The following PLXNA4 variants were observed in gnomAD, a reference collection of about 807,000 sequenced individuals.
PLXNA4 encodes the protein plexin A4, also known as plexin-A4.
Under a neutral mutation model 191.8 loss-of-function variants are expected in PLXNA4, and 44 were observed. That is an observed-to-expected ratio of 0.23 (90% CI 0.18 to 0.29). PLXNA4 has a LOEUF of 0.29. PLXNA4 is among the 10% of genes least tolerant of loss of function. The probability of loss-of-function intolerance (pLI) is 1.00; values close to 1 mark genes in which losing one functional copy is unlikely to be tolerated. For missense variants in PLXNA4, 1,800 were observed against 2,488.8 expected, an observed-to-expected ratio of 0.72 and a Z score of 5.89; for synonymous variants, 1,082 against 1,009.5, an observed-to-expected ratio of 1.07 and a Z score of -1.36.
chr7:132,567,039 C>G (rs889353993), intron 1 of PLXNA4, among the ~76,000 whole-genome samples: 2 of 152,148 alleles, frequency 1.3e-5, no homozygotes, highest in Admixed American at 6.5e-5. Context: ...AACCGTCTTT[C>G]CAGGAGACAT....
At chr7:132,390,402 C>T (rs1585070664) in intron 3 of PLXNA4, among the ~76,000 whole-genome samples, 1 of 151,976 alleles carries the variant, frequency 6.6e-6, no homozygotes, top group Non-Finnish European at 1.5e-5. Flanking sequence ...TAACATCACA[C>T]ACTGGGGCCT....
chr7:132,397,121 C>T (rs1793799822), intron 3 of PLXNA4, among the ~76,000 whole-genome samples: 1 of 152,248 alleles, frequency 6.6e-6, no homozygotes, highest in South Asian at 2.1e-4. Context: ...GCATCTCAGC[C>T]TTCCCCAAAA....
intron 3 of PLXNA4, among the ~76,000 whole-genome samples, chr7:132,488,930 C>T (rs1797668891): frequency 6.6e-6 from 1 of 152,230 alleles, no homozygotes; most frequent in Admixed American, 6.5e-5. Context: ...AGGCATGTCC[C>T]TTCCCCCTGC....
chr7:132,407,628 C>T (rs1011241681), intron 3 of PLXNA4, among the ~76,000 whole-genome samples: 5 of 152,298 alleles, frequency 3.3e-5, no homozygotes, highest in African/African-American at 1.2e-4. Context: ...CCTGGGACTA[C>T]GTCAATACAT....
intron 3 of PLXNA4, among the ~76,000 whole-genome samples, chr7:132,467,600 T>G (rs1796758334): frequency 6.6e-6 from 1 of 152,114 alleles, no homozygotes; most frequent in Non-Finnish European, 1.5e-5. Flanking sequence ...TGGTCTTCAG[T>G]TCAAAGGTGG....
At chr7:132,283,028 C>A (rs902048864) in intron 4 of PLXNA4, among the ~76,000 whole-genome samples, 4 of 152,004 alleles carry the variant, frequency 2.6e-5, no homozygotes, top group African/African-American at 9.7e-5. Flanking sequence ...TACAGGCGCT[C>A]ACCACCATAC....
At chr7:132,630,146 G>A (rs772663463) in intron 2 of PLXNA4, among the ~76,000 whole-genome samples, 15 of 152,060 alleles carry the variant, frequency 9.9e-5, no homozygotes, top group East Asian at 5.8e-4. Flanking sequence ...CACCTCACCC[G>A]GCCTGGTGTC....
At chr7:132,482,774 C>T (rs1347909075) in intron 3 of PLXNA4, among the ~76,000 whole-genome samples, 1 of 149,972 alleles carries the variant, frequency 6.7e-6, no homozygotes, top group Non-Finnish European at 1.5e-5. Context: ...CTCACTGCAA[C>T]CTCCGCCTCC....
intron 22 of PLXNA4, among the ~76,000 whole-genome samples, chr7:132,166,034 T>C (rs967244133): frequency 2.6e-5 from 4 of 151,966 alleles, no homozygotes; most frequent in Non-Finnish European, 5.9e-5. Flanking sequence ...CCCTCTCTAC[T>C]AAAAACACAA....
At chr7:132,562,531 TCTCCTCTTTCTCCTCCTCCTC>T (rs1253691154) in intron 1 of PLXNA4, among the ~76,000 whole-genome samples, 1 of 64,942 alleles carries the variant, frequency 1.5e-5, no homozygotes, top group African/African-American at 6.7e-5. Flanking sequence ...TCCTCCTCCT[TCTCCTCTTTCTCCTCCTCCTC>T]CTTCTCTTCC....
At chr7:132,545,756 TA>T (rs1363604831) in intron 1 of PLXNA4, among the ~76,000 whole-genome samples, 2 of 152,002 alleles carry the variant, frequency 1.3e-5, no homozygotes, top group African/African-American at 4.8e-5. Flanking sequence ...AGAAGTGTAA[TA>T]GGGTAGAGGA....
intron 30 of PLXNA4, among the ~76,000 whole-genome samples, chr7:132,135,883 GC>G (rs1229200579): frequency 6.6e-6 from 1 of 152,118 alleles, no homozygotes; most frequent in Non-Finnish European, 1.5e-5. Flanking sequence ...TCAAATCAGG[GC>G]ACGTCTGTGG....
At chr7:132,627,903 CT>C (rs1585414990) in intron 2 of PLXNA4, among the ~76,000 whole-genome samples, 1 of 152,360 alleles carries the variant, frequency 6.6e-6, no homozygotes, top group East Asian at 1.9e-4. Flanking sequence ...CAAGAATGGA[CT>C]CAGATACTCT....
intron 3 of PLXNA4, among the ~76,000 whole-genome samples, chr7:132,447,730 G>T (rs1795962767): frequency 6.6e-6 from 1 of 152,026 alleles, no homozygotes; most frequent in Non-Finnish European, 1.5e-5. Flanking sequence ...GCTCATGCTT[G>T]TAATGCCAAC....
intron 14 of PLXNA4, among the ~76,000 whole-genome samples, chr7:132,188,404 TTC>T (rs1796950217): frequency 6.6e-6 from 1 of 152,154 alleles, no homozygotes; most frequent in Non-Finnish European, 1.5e-5. Context: ...AAATGAAGAT[TTC>T]TCTCTCCCTT....
chr7:132,271,289 T>C (rs1421081310), intron 4 of PLXNA4: 5 of 152,154 alleles, frequency 3.3e-5, no homozygotes, highest in African/African-American at 4.8e-5. Context: ...TTGAAGCTTA[T>C]CCTATTCTAT....
chr7:132,629,777 T>C (rs954609130), intron 2 of PLXNA4, among the ~76,000 whole-genome samples: 1 of 152,220 alleles, frequency 6.6e-6, no homozygotes, highest in South Asian at 2.1e-4. Context: ...GGCTTGCAGA[T>C]GGCCGCCTTC....
intron 20 of PLXNA4, among the ~76,000 whole-genome samples, chr7:132,178,376 G>A (rs1219507023): frequency 1.3e-5 from 2 of 152,160 alleles, no homozygotes; most frequent in Middle Eastern, 3.2e-3. Context: ...CCCAGTTGGG[G>A]TGCTCGGCCC....
intron 3 of PLXNA4, among the ~76,000 whole-genome samples, chr7:132,333,535 C>T (rs10264006): frequency 0.017 from 2,660 of 152,290 alleles, 93 homozygotes; most frequent in African/African-American, 0.06. Flanking sequence ...TGCTGACAGC[C>T]CCACTGGGAG....
Sources: gnomAD v4.1 joint callset for allele counts (sites outside exome capture counted in the v4.1 genomes callset) on GRCh38, gnomAD v4.1.1 for gene constraint, MANE v1.5 for transcripts, NCBI Gene and HGNC (gene_info 2026-07-23, HGNC 2026-07-21) for gene names.